Variants in IAH1 observed in about 807,000 individuals in gnomAD.
IAH1 encodes isoamyl acetate hydrolyzing esterase 1 (putative), also known as isoamyl acetate-hydrolyzing esterase 1 homolog.
A neutral mutation model predicts 26.7 loss-of-function variants in IAH1; 24 were observed. That is an observed-to-expected ratio of 0.90 (90% CI 0.65 to 1.26). The LOEUF is 1.26. Ranked by LOEUF, IAH1 falls within the 50% of genes most tolerant of loss-of-function variation. The pLI is 0.00. For synonymous variants in IAH1, 140 were observed against 118.5 expected (o/e 1.18, Z -1.18); for missense variants, 300 against 299.9 (o/e 1.00, Z 0.00).
At chr2:9,490,073 C>G (rs1483788186), downstream of IAH1, 1 of 1,116,446 alleles carries the variant, frequency 9.0e-7, no homozygotes, top group Non-Finnish European at 1.3e-6. Context: ...CCAGCATCTG[C>G]TAAGTCACTT....
chr2:9,491,201 G>A (rs746987344), downstream of IAH1: 45 of 1,539,768 alleles, frequency 2.9e-5, no homozygotes, highest in African/African-American at 4.1e-5. Context: ...AATTCAGTTA[G>A]TGAGTACTAT....
chr2:9,488,379 G>A lies in IAH1; in HGVS notation c.*50G>A. 1 of 1,441,868 alleles carries A rather than the reference G, an allele frequency of 6.9e-7. No homozygotes were observed. 89.3% of individuals were successfully genotyped at this position (1,441,868 alleles called of 1,614,324 possible). On this transcript the variant is annotated 3_prime_UTR_variant, in exon 6 of 6. Coordinates refer to ENST00000497473, the MANE Select transcript of IAH1 (RefSeq NM_001039613.3). ...CTTGTTATCTACAGAACTCAAAGTT[G>A]TCAATACGTAGAGGTACGCTTTTTT...
chr2:9,487,821 T>C lies in IAH1; in HGVS notation c.565-326T>C, dbSNP rs960601981. Among the ~76,000 whole-genome samples the C allele has an allele frequency of 8.8e-3, 813 of 92,310 alleles. 3 individuals carry two copies. Among genetic ancestry groups the C allele is most frequent in the African/African-American group, 0.027 (633 of 23,414 alleles). 60.6% of individuals were successfully genotyped at this position (92,310 alleles called of 152,430 possible). A position where few individuals can be genotyped will look rare whatever the true frequency, so the allele number is the denominator to read the frequency against. On this transcript the variant is annotated intron_variant, in intron 5 of 5. Coordinates refer to ENST00000497473, the MANE Select transcript of IAH1 (RefSeq NM_001039613.3). Reference sequence around the variant, plus strand: ...GTGTGTGTGTGTGTGTGTGTGTGTGTGTGTGTGTGTGTGCGCGCGCGCGCG... The same window carrying C: ...GTGTGTGTGTGTGTGTGTGTGTGTGCGTGTGTGTGTGTGCGCGCGCGCGCG...
chr2:9,486,102 T>TC (rs1558483083), intron 5 of IAH1: 1 of 152,146 alleles, frequency 6.6e-6, no homozygotes, highest in Non-Finnish European at 1.5e-5. Flanking sequence ...TCCATACCAA[T>TC]CGTTCCAATG....
chr2:9,475,130 A>C, intron 1 of IAH1: 2 of 1,277,090 alleles, frequency 1.6e-6, no homozygotes, highest in South Asian at 2.5e-5. Context: ...TTGGAAGTAA[A>C]ACGCCTTCAG....
intron 5 of IAH1, chr2:9,485,195 T>G (rs1261009260): frequency 6.6e-6 from 1 of 152,252 alleles, no homozygotes; most frequent in Non-Finnish European, 1.5e-5. Context: ...CTGTGATGAA[T>G]AGGGAAACTG....
the IAH1 span, among the ~76,000 whole-genome samples, chr2:9,511,087 C>T: frequency 6.6e-6 from 1 of 152,044 alleles, no homozygotes; most frequent in African/African-American, 2.4e-5. Flanking sequence ...ACATGCCCCT[C>T]GGCCCAATCA....
intron 5 of IAH1, chr2:9,486,694 T>G (rs55706309): frequency 0.064 from 9,714 of 152,008 alleles, 1,098 homozygotes; most frequent in African/African-American, 0.22. Context: ...CCAGGCGTGG[T>G]GGCAGTCACC....
chr2:9,494,067 A>G (rs1197945358), downstream of IAH1, among the ~76,000 whole-genome samples: 1 of 152,208 alleles, frequency 6.6e-6, no homozygotes, highest in Non-Finnish European at 1.5e-5. Context: ...GACAAAAATC[A>G]AGGAAACCAG....
downstream of IAH1, chr2:9,490,495 C>T: frequency 3.1e-6 from 5 of 1,613,410 alleles, no homozygotes; most frequent in Non-Finnish European, 4.2e-6. Context: ...ATGCAGAATC[C>T]ATGCTGCTCA....
At chr2:9,492,966 T>C (rs1298570790), downstream of IAH1, 6 of 1,611,566 alleles carry the variant, frequency 3.7e-6, no homozygotes, top group African/African-American at 1.3e-5. Context: ...GACCCAACGA[T>C]GTTGTCTGCT....
chr2:9,474,553 C>CGCCCA lies in IAH1; in HGVS notation c.-10_-9insAGCCC, dbSNP rs1244536890. On this transcript the variant is annotated 5_prime_UTR_variant, in exon 1 of 6. Coordinates refer to ENST00000497473, the MANE Select transcript of IAH1 (RefSeq NM_001039613.3). The surrounding 1 kb of genome is among the most constrained non-coding windows in gnomAD (Gnocchi z 4.3). The stretch of plus-strand genomic sequence containing the variant: ...CGTGGCTGGCGGCCCCGCCCCGCCC[C>CGCCCA]GCCCGGCTGCTCCATGGCGCTGTGC... 1.4e-6 allele frequency: 2 copies of CGCCCA among 1,463,830 alleles called. No individual in the cohort carries two copies. The highest frequency in any genetic ancestry group is 1.8e-6 in the Non-Finnish European group (2 of 1,111,000). 90.7% of individuals were successfully genotyped at this position (1,463,830 alleles called of 1,614,324 possible).
At chr2:9,475,038 C>A in intron 1 of IAH1, 1 of 1,139,576 alleles carries the variant, frequency 8.8e-7, no homozygotes, top group Non-Finnish European at 1.1e-6. Flanking sequence ...CAGGAGGCCC[C>A]GCGGCCAGCT....
chr2:9,492,697 C>A (rs541584620), downstream of IAH1, among the ~76,000 whole-genome samples: 1 of 152,180 alleles, frequency 6.6e-6, no homozygotes, highest in South Asian at 2.1e-4. Flanking sequence ...CACCAACACA[C>A]AAAAATAGTA....
chr2:9,488,102 C>A, intron 5 of IAH1, 45 bp from the exon 6 acceptor site: 1 of 1,358,342 alleles, frequency 7.4e-7, no homozygotes, highest in Non-Finnish European at 1.0e-6. Flanking sequence ...TGAGCTACCA[C>A]ACGTGGCCAG....
intron 5 of IAH1, among the ~76,000 whole-genome samples, chr2:9,487,791 TGTGTG>T (rs1238408530): frequency 3.8e-5 from 2 of 52,104 alleles, no homozygotes; most frequent in Non-Finnish European, 7.1e-5. Context: ...GGCCTTTTTG[TGTGTG>T]TGTGTGTGTG....
chr2:9,510,206 T>G, the IAH1 span: 2 of 1,496,244 alleles, frequency 1.3e-6, no homozygotes, highest in Non-Finnish European at 1.8e-6. Context: ...GGGCCTATGC[T>G]GTCTTAAATA....
chr2:9,484,715 A>G (rs1016946285), intron 5 of IAH1, 165 bp downstream of exon 5: 2 of 575,642 alleles, frequency 3.5e-6, no homozygotes, highest in Admixed American at 3.1e-5. Context: ...TGGAGGTTCC[A>G]GGATGGCTCA....
the IAH1 span, among the ~76,000 whole-genome samples, chr2:9,510,663 CAAA>C: frequency 3.5e-5 from 3 of 84,806 alleles, no homozygotes; most frequent in Non-Finnish European, 2.6e-5. Context: ...GACTTCGTCT[CAAA>C]AAAAAAAAAA....
Sources: gnomAD v4.1 joint callset for allele counts (sites outside exome capture counted in the v4.1 genomes callset) on GRCh38, gnomAD v4.1.1 for gene constraint, Gnocchi (gnomAD v3.1) non-coding constraint, MANE v1.5 for transcripts, NCBI Gene and HGNC (gene_info 2026-07-23, HGNC 2026-07-21) for gene names.